The following EYS variants were observed in gnomAD, a reference collection of about 807,000 sequenced individuals.
EYS encodes protein eyes shut homolog.
Under a neutral mutation model 282.1 loss-of-function variants are expected in EYS, and 250 were observed. That is an observed-to-expected ratio of 0.89 (90% confidence interval 0.80 to 0.98). EYS has a LOEUF of 0.98. Among genes scored for constraint, EYS ranks in the 50% least tolerant of loss-of-function variants. The pLI is 0.00. For missense variants in EYS, 4,016 were observed against 3,709.0 expected (o/e 1.08, Z -2.15); for synonymous variants, 1,355 against 1,282.9 (o/e 1.06, Z -1.20).
chr6:64,203,362 C>T (rs1470339919), intron 31 of EYS, among the ~76,000 whole-genome samples: 1 of 152,144 alleles, frequency 6.6e-6, no homozygotes, highest in Non-Finnish European at 1.5e-5. Flanking sequence ...TACTGTAAAT[C>T]TGAGAATCAG....
At chr6:64,446,994 G>C (rs1448666527) in intron 26 of EYS, among the ~76,000 whole-genome samples, 1 of 148,788 alleles carries the variant, frequency 6.7e-6, no homozygotes, top group South Asian at 2.1e-4. Flanking sequence ...TGTGGGGGGG[G>C]GGTGCTCATG....
intron 41 of EYS, among the ~76,000 whole-genome samples, chr6:63,750,834 AATTGTGGTCCACATATT>A (rs1199783376): frequency 2.0e-5 from 3 of 152,174 alleles, no homozygotes; most frequent in African/African-American, 7.2e-5. Context: ...ATCACAGAGG[AATTGTGGTCCACATATT>A]ATTGTTAATT....
chr6:63,803,206 A>G (rs148919814), intron 37 of EYS, among the ~76,000 whole-genome samples: 229 of 150,272 alleles, frequency 1.5e-3, no homozygotes, highest in Middle Eastern at 0.014. Context: ...GAAACAAGAC[A>G]GACCTAGGGT....
intron 26 of EYS, among the ~76,000 whole-genome samples, chr6:64,449,682 A>G (rs1330019122): frequency 6.6e-6 from 1 of 152,244 alleles, no homozygotes; most frequent in Non-Finnish European, 1.5e-5. Context: ...ACAAGCCAGA[A>G]GAGAGTGGGG....
At chr6:63,832,294 G>A (rs563798842) in intron 36 of EYS, among the ~76,000 whole-genome samples, 55 of 152,140 alleles carry the variant, frequency 3.6e-4, no homozygotes, top group African/African-American at 1.3e-3. Flanking sequence ...TTTTTGAAAA[G>A]ATCAACAAAA....
At chr6:64,822,375 G>T (rs908073450) in intron 20 of EYS, among the ~76,000 whole-genome samples, 1 of 151,928 alleles carries the variant, frequency 6.6e-6, no homozygotes, top group African/African-American at 2.4e-5. Flanking sequence ...CTATTACCAT[G>T]AGCAGTTACC....
intron 26 of EYS, among the ~76,000 whole-genome samples, chr6:64,575,012 G>A (rs1255559052): frequency 6.6e-6 from 1 of 152,106 alleles, no homozygotes; most frequent in Non-Finnish European, 1.5e-5. Context: ...AAAGAAGAGA[G>A]AAAGTACATA....
intron 35 of EYS, among the ~76,000 whole-genome samples, chr6:63,877,546 G>T (rs188979245): frequency 4.6e-4 from 70 of 152,278 alleles, no homozygotes; most frequent in Admixed American, 2.4e-3. Flanking sequence ...AGTTCTCCTG[G>T]ATAATATCCT....
Position 65,296,020 on chromosome 6 carries a change from G to A in EYS, c.1866C>T (p.Ala622=), listed in dbSNP as rs1291613335. ...HSISVHGLCL[A]LSHNCNCSGL... is the part of the protein sequence containing the mutation. Reference sequence around the variant, plus strand: ...CGCTACAGTTACAATTGTGCGAAAGGGCCAGGCAGAGGCCATGCACTGATA... The same window carrying A: ...CGCTACAGTTACAATTGTGCGAAAGAGCCAGGCAGAGGCCATGCACTGATA... The change falls in exon 12 of 43, where the codon GCC becomes GCT. Residue 622 remains alanine (A), a synonymous_variant. Transcript: ENST00000503581. 4 of 1,550,962 alleles carry A rather than the reference G, an allele frequency of 2.6e-6. No homozygotes were observed. Among genetic ancestry groups the A allele is most frequent in the Non-Finnish European group, 3.5e-6 (4 of 1,146,516 alleles).
At chr6:64,341,299 C>T (rs561059326) in intron 29 of EYS, among the ~76,000 whole-genome samples, 1 of 151,792 alleles carries the variant, frequency 6.6e-6, no homozygotes, top group East Asian at 1.9e-4. Flanking sequence ...AATATGAGTG[C>T]CCATTAATGG....
At position 64,254,858 on chromosome 6, in the gene EYS, A is replaced by G. The variant is rs1306430444; in HGVS notation, c.6192-24034T>C. Among the ~76,000 whole-genome samples the G allele has an allele frequency of 2.0e-5, 3 of 152,156 alleles. 1 individual carries two copies. The highest frequency in any genetic ancestry group is 4.4e-5 in the Non-Finnish European group (3 of 68,032). The stretch of plus-strand genomic sequence containing the variant: ...GAAATGACCTTGCAGAAGCAATCAA[A>G]GATTTGGAAATGTATGAAATTACAT... On this transcript the variant is annotated intron_variant, in intron 30 of 42. Coordinates refer to ENST00000503581, the MANE Select transcript of EYS (RefSeq NM_001142800.2).
chr6:64,893,828 G>GGA (rs1767366789), intron 18 of EYS, among the ~76,000 whole-genome samples: 1 of 49,232 alleles, frequency 2.0e-5, no homozygotes, highest in Non-Finnish European at 4.5e-5. Context: ...AAATATGTAT[G>GGA]CACACACATA....
At chr6:64,261,992 C>A (rs2180038) in intron 30 of EYS, among the ~76,000 whole-genome samples, 96,888 of 151,654 alleles carry the variant, frequency 0.64, 31,401 homozygotes, top group South Asian at 0.71. Context: ...TGAGCTCAAG[C>A]AATTTGCTCG....
At chr6:64,255,769 A>G (rs1199990449) in intron 30 of EYS, among the ~76,000 whole-genome samples, 2 of 152,070 alleles carry the variant, frequency 1.3e-5, no homozygotes, top group Non-Finnish European at 2.9e-5. Flanking sequence ...TTCACATGAT[A>G]TATGTATTTG....
intron 26 of EYS, among the ~76,000 whole-genome samples, chr6:64,541,017 T>C (rs1437098609): frequency 6.6e-6 from 1 of 152,240 alleles, no homozygotes; most frequent in Non-Finnish European, 1.5e-5. Flanking sequence ...TTTTCTTTAC[T>C]TTCCCATGTG....
chr6:63,726,411 G>A (rs778462061), intron 42 of EYS, 108 bp downstream of exon 42: 5 of 944,082 alleles, frequency 5.3e-6, no homozygotes, highest in Non-Finnish European at 7.6e-6. Context: ...GAACATAAAA[G>A]CATCAAATGT....
At chr6:64,612,171 C>A (rs948923142) in intron 24 of EYS, among the ~76,000 whole-genome samples, 4 of 151,944 alleles carry the variant, frequency 2.6e-5, no homozygotes, top group African/African-American at 7.2e-5. Flanking sequence ...ACTCAGAACC[C>A]TTTTTTCTCA....
chr6:65,511,364 T>A (rs74447401), intron 2 of EYS, among the ~76,000 whole-genome samples: 5,689 of 146,210 alleles, frequency 0.039, 186 homozygotes, highest in African/African-American at 0.091. Flanking sequence ...TGTGTGTGTG[T>A]GTGAGAGAGA....
intron 24 of EYS, among the ~76,000 whole-genome samples, chr6:64,600,670 G>A (rs1378668349): frequency 2.0e-5 from 3 of 152,002 alleles, no homozygotes; most frequent in Non-Finnish European, 2.9e-5. Context: ...TACTACCAGT[G>A]CCCCTAGGAA....
Sources: gnomAD v4.1 joint callset for allele counts (sites outside exome capture counted in the v4.1 genomes callset) on GRCh38, gnomAD v4.1.1 for gene constraint, MANE v1.5 for transcripts, NCBI Gene and HGNC (gene_info 2026-07-23, HGNC 2026-07-21) for gene names.